The following SLIT3 variants were observed in gnomAD, a reference collection of about 807,000 sequenced individuals.
SLIT3 encodes the protein slit guidance ligand 3, also known as slit homolog 3 protein.
SLIT3 carries 68 observed loss-of-function variants against 184.0 expected under a neutral mutation model. The ratio of observed to expected loss-of-function variants is 0.37; its 90% CI spans 0.30 to 0.45. The LOEUF is 0.45. Among genes scored for constraint, SLIT3 ranks in the 20% least tolerant of loss-of-function variants. The pLI is 1.00. For synonymous variants in SLIT3, 831 were observed against 828.6 expected (o/e 1.00, Z -0.05); for missense variants, 1,707 against 2,026.0 (o/e 0.84, Z 3.02).
At chr5:169,007,484 A>G (rs1016647593) in intron 4 of SLIT3, among the ~76,000 whole-genome samples, 1 of 152,218 alleles carries the variant, frequency 6.6e-6, no homozygotes, top group African/African-American at 2.4e-5. Flanking sequence ...AAACGAATAG[A>G]TGTTAAAATA....
chr5:168,755,153 C>T (rs944259191), intron 16 of SLIT3, among the ~76,000 whole-genome samples: 2 of 152,120 alleles, frequency 1.3e-5, no homozygotes, highest in African/African-American at 4.8e-5. Flanking sequence ...TCTCATTTTA[C>T]GGATGATGGG....
chr5:169,167,078 G>A (rs529578375), intron 4 of SLIT3, among the ~76,000 whole-genome samples: 1 of 151,952 alleles, frequency 6.6e-6, no homozygotes, highest in Admixed American at 6.5e-5. Context: ...GCTGAGGTGG[G>A]AGGATTGCTT....
chr5:169,101,095 C>A (rs145869398), intron 4 of SLIT3, among the ~76,000 whole-genome samples: 1 of 152,248 alleles, frequency 6.6e-6, no homozygotes, highest in African/African-American at 2.4e-5. Flanking sequence ...GTCCTGAGTG[C>A]CATGGGAGGC....
intron 3 of SLIT3, among the ~76,000 whole-genome samples, chr5:169,199,857 C>A (rs569777964): frequency 6.3e-4 from 96 of 152,274 alleles, no homozygotes; most frequent in Middle Eastern, 3.4e-3. Context: ...CTAAAAAGTC[C>A]TTTGCGTCCC....
chr5:168,727,681 T>C (rs1453883134), intron 20 of SLIT3, among the ~76,000 whole-genome samples: 1 of 152,188 alleles, frequency 6.6e-6, no homozygotes, highest in Non-Finnish European at 1.5e-5. Context: ...CCTCCCTGCA[T>C]GAAAGGCTGT....
At chr5:168,823,396 A>G (rs1757599852) in intron 6 of SLIT3, 65 bp from the exon 7 acceptor site, 5 of 1,180,966 alleles carry the variant, frequency 4.2e-6, no homozygotes, top group Non-Finnish European at 5.1e-6. Flanking sequence ...AGATGCTTGT[A>G]GTAGGTCGGG....
chr5:168,772,801 C>T lies in SLIT3; in HGVS notation c.1439G>A (p.Ser480Asn), dbSNP rs764967868. The T allele has an allele frequency of 1.6e-5, 26 of 1,614,182 alleles. No homozygotes were observed. The East Asian group carries it at 5.8e-4, about 36-fold the overall frequency. ...LANKRISQIK[S>N]KKFRCSGSED... Reference sequence around the variant, plus strand: ...ATTACCTGAGCAGCGGAACTTCTTGCTCTTGATCTGGCTGATGCGCTTGTT... The same window carrying T: ...ATTACCTGAGCAGCGGAACTTCTTGTTCTTGATCTGGCTGATGCGCTTGTT... The change falls in exon 14 of 36, where the codon AGC (serine) becomes AAC (asparagine). Residue 480 changes from serine to asparagine, a missense_variant. Physicochemically the swap from Ser to Asn is conservative, Grantham distance 46. This residue lies in a region of SLIT3 where 1,307 missense variants were observed against 1,511.6 expected (regional missense o/e 0.86). Coordinates refer to ENST00000519560, the MANE Select transcript of SLIT3 (RefSeq NM_003062.4).
At chr5:168,944,142 G>C (rs940538006) in intron 4 of SLIT3, among the ~76,000 whole-genome samples, 2 of 152,084 alleles carry the variant, frequency 1.3e-5, no homozygotes. Context: ...ATTGGATAAC[G>C]GCCCGAGATT....
intron 5 of SLIT3, among the ~76,000 whole-genome samples, chr5:168,876,790 T>C (rs1225810049): frequency 6.6e-6 from 1 of 152,198 alleles, no homozygotes; most frequent in Admixed American, 6.5e-5. Flanking sequence ...ATCTGGAAAA[T>C]GGGAATATCA....
chr5:169,253,975 C>T (rs1765863174), intron 1 of SLIT3, among the ~76,000 whole-genome samples: 1 of 152,170 alleles, frequency 6.6e-6, no homozygotes, highest in Admixed American at 6.5e-5. Flanking sequence ...GAGGGATGGG[C>T]TCTCCCCTCC....
At chr5:169,126,555 C>A (rs1211898926) in intron 4 of SLIT3, among the ~76,000 whole-genome samples, 1 of 152,210 alleles carries the variant, frequency 6.6e-6, no homozygotes, top group Non-Finnish European at 1.5e-5. Context: ...GACTGGGTGG[C>A]CCTCTCAAAT....
intron 9 of SLIT3, among the ~76,000 whole-genome samples, chr5:168,798,223 C>CTTTTTTT (rs747746239): frequency 6.4e-5 from 7 of 109,020 alleles, no homozygotes; most frequent in African/African-American, 2.3e-4. Context: ...TCTTCTTCTT[C>CTTTTTTT]TTTTTTTTTT....
At chr5:168,696,586 T>G (rs541902401) in intron 27 of SLIT3, among the ~76,000 whole-genome samples, 155 bp from the exon 28 acceptor site, 1 of 152,100 alleles carries the variant, frequency 6.6e-6, no homozygotes, top group East Asian at 1.9e-4. Context: ...GGCCTTGGGG[T>G]CCTGAGCAGG....
chr5:168,978,075 T>C (rs1254270555), intron 4 of SLIT3, among the ~76,000 whole-genome samples: 1 of 152,146 alleles, frequency 6.6e-6, no homozygotes, highest in Non-Finnish European at 1.5e-5. Flanking sequence ...AGACACCTCA[T>C]CTGACAATCC....
At chr5:168,774,897 T>C (rs1755689668) in intron 12 of SLIT3, among the ~76,000 whole-genome samples, 1 of 152,162 alleles carries the variant, frequency 6.6e-6, no homozygotes, top group African/African-American at 2.4e-5. Flanking sequence ...CACATGTGCA[T>C]ACATATGGAT....
intron 4 of SLIT3, among the ~76,000 whole-genome samples, chr5:169,152,046 CATT>C (rs1331320346): frequency 2.0e-4 from 31 of 152,164 alleles, no homozygotes; most frequent in African/African-American, 6.5e-4. Flanking sequence ...ACATCCTCAT[CATT>C]ATTAGTTTTG....
intron 4 of SLIT3, among the ~76,000 whole-genome samples, chr5:169,062,877 T>TA (rs1286385325): frequency 1.3e-5 from 2 of 152,210 alleles, no homozygotes; most frequent in African/African-American, 2.4e-5. Flanking sequence ...AAAAGACCTT[T>TA]AACCAAGAAT....
chr5:168,963,479 C>T (rs988389617), intron 4 of SLIT3, among the ~76,000 whole-genome samples: 5 of 152,214 alleles, frequency 3.3e-5, no homozygotes, highest in African/African-American at 1.2e-4. Context: ...ACCTCATGCT[C>T]ATTTCTTTAC....
At chr5:168,740,077 T>C (rs941818143) in intron 20 of SLIT3, among the ~76,000 whole-genome samples, 6 of 152,208 alleles carry the variant, frequency 3.9e-5, no homozygotes, top group African/African-American at 7.2e-5. Flanking sequence ...CACAGGTTCT[T>C]GGAGTCCTGG....
Sources: allele counts gnomAD v4.1 joint callset (sites outside exome capture counted in the v4.1 genomes callset), GRCh38; gene constraint gnomAD v4.1.1; regional missense constraint gnomAD v4.1.1; transcripts MANE v1.5; gene names NCBI Gene and HGNC (gene_info 2026-07-23, HGNC 2026-07-21).